The following ABL2 variants were observed in gnomAD, a reference collection of about 807,000 sequenced individuals.
ABL2 encodes tyrosine-protein kinase ABL2.
ABL2 carries 49 observed loss-of-function variants against 107.7 expected under a neutral mutation model. The observed-to-expected ratio is 0.45, with a 90% CI of 0.36 to 0.58. The LOEUF (loss-of-function observed/expected upper bound fraction) is 0.58, where lower values mean the gene tolerates loss of function less well. ABL2 is among the 20% of genes least tolerant of loss of function. The pLI, the probability that ABL2 is intolerant of heterozygous loss-of-function variation, is 0.00. For synonymous variants in ABL2, 549 were observed against 548.6 expected (o/e 1.00, Z -0.01); for missense variants, 1,245 against 1,457.0 (o/e 0.85, Z 2.37).
intron 10 of ABL2, 179 bp from the exon 11 acceptor site, chr1:179,110,634 A>G: frequency 6.5e-7 from 1 of 1,528,154 alleles, no homozygotes; most frequent in Admixed American, 2.0e-5. Flanking sequence ...TCATGTGTGT[A>G]GATTCGTCCA....
intron 9 of ABL2, among the ~76,000 whole-genome samples, chr1:179,112,985 C>T (rs1454493530): frequency 6.6e-6 from 1 of 152,126 alleles, no homozygotes; most frequent in African/African-American, 2.4e-5. Flanking sequence ...AACCCCTGAC[C>T]TCAGGTGATC....
intron 5 of ABL2, 37 bp from the exon 6 acceptor site, chr1:179,120,311 A>C (rs1352263023): frequency 7.4e-7 from 1 of 1,358,356 alleles, no homozygotes; most frequent in Non-Finnish European, 1.0e-6. Flanking sequence ...AGAAAACGAG[A>C]GGGACAAACC....
chr1:179,182,033 T>C (rs960032005), intron 1 of ABL2, among the ~76,000 whole-genome samples: 1 of 147,644 alleles, frequency 6.8e-6, no homozygotes, highest in African/African-American at 2.5e-5. Flanking sequence ...CCTGACCTCA[T>C]GACCCGCCTG....
chr1:179,197,356 G>A (rs1557991571), intron 1 of ABL2, among the ~76,000 whole-genome samples: 1 of 151,824 alleles, frequency 6.6e-6, no homozygotes. Flanking sequence ...GCACCCAAGG[G>A]ATAATAAAAA....
rs999174968 is a variant in ABL2, at chr1:179,106,823, G to C, written c.*895C>G. 4.3e-6 allele frequency: 1 copy of C among 231,358 alleles called. No homozygotes were observed. The highest frequency in any genetic ancestry group is 8.6e-6 in the Non-Finnish European group (1 of 116,898). The allele number at this position is 231,358 out of a possible 1,614,324, so 14.3% of individuals were successfully genotyped here. ...AGGATTCATTCCTTTGTGAGAACCTGTAGGGACTACTATTTTCAAAATCAA... is the reference window on the plus strand; with the variant it reads ...AGGATTCATTCCTTTGTGAGAACCTCTAGGGACTACTATTTTCAAAATCAA... On this transcript the variant is annotated 3_prime_UTR_variant, in exon 12 of 12. Transcript: ENST00000502732.
Position 179,108,291 on chromosome 1 carries a change from T to C in ABL2, c.2976A>G (p.Leu992=), listed in dbSNP as rs764564099. The part of the protein sequence containing the change: ...CAPPPPPVMR[L]LQHPSICSDP... ...CTGAGCAGATGGACGGATGCTGCAG[T>C]AGTCTCATCACTGGTGGTGGGGGTG... The change falls in exon 12 of 12, where the codon CTA becomes CTG. Residue 992 remains leucine, a synonymous_variant. Coordinates refer to ENST00000502732, the MANE Select transcript of ABL2 (RefSeq NM_007314.4). 8.1e-6 allele frequency: 13 copies of C among 1,614,000 alleles called. No individual in the cohort carries two copies. The highest frequency in any genetic ancestry group is 1.1e-5 in the Non-Finnish European group (13 of 1,180,026).
chr1:179,117,910 A>G (rs903386045), intron 7 of ABL2, among the ~76,000 whole-genome samples: 35 of 150,112 alleles, frequency 2.3e-4, no homozygotes, highest in African/African-American at 8.6e-4. Context: ...CCTGAGCTCA[A>G]GAGTTCAGGA....
chr1:179,228,787 A>G (rs981544801), intron 1 of ABL2, among the ~76,000 whole-genome samples: 1 of 152,174 alleles, frequency 6.6e-6, no homozygotes, highest in Admixed American at 6.5e-5. Flanking sequence ...ACGTAAACAC[A>G]TACCTTGTAC....
At chr1:179,183,375 C>A (rs746119694) in intron 1 of ABL2, among the ~76,000 whole-genome samples, 3 of 152,152 alleles carry the variant, frequency 2.0e-5, no homozygotes, top group Admixed American at 2.0e-4. Flanking sequence ...ACAACAACAA[C>A]AAAAACATTA....
rs1653413437 is a variant in ABL2, at chr1:179,105,574, T to G, written c.*2144A>C. ...TTCTCTTCCAACCACTAGGAGGAGA[T>G]GAACCCAATCACTAGCTGCCTGTGC... On this transcript the variant is annotated 3_prime_UTR_variant, in exon 12 of 12. Coordinates refer to ENST00000502732, the MANE Select transcript of ABL2 (RefSeq NM_007314.4). 1 of 229,110 alleles carries G rather than the reference T, an allele frequency of 4.4e-6. No individual in the cohort carries two copies. Among genetic ancestry groups the G allele is most frequent in the East Asian group, 6.2e-5 (1 of 16,078 alleles). 14.2% of individuals were successfully genotyped at this position (229,110 alleles called of 1,614,324 possible).
At chr1:179,110,995 T>G (rs925402757) in intron 10 of ABL2, 5 of 1,151,352 alleles carry the variant, frequency 4.3e-6, no homozygotes, top group Non-Finnish European at 1.2e-6. Flanking sequence ...TTTTTTTTTT[T>G]TTTTTGCAGA....
chr1:179,185,808 A>G (rs1331630332), intron 1 of ABL2, among the ~76,000 whole-genome samples: 1 of 152,176 alleles, frequency 6.6e-6, no homozygotes, highest in African/African-American at 2.4e-5. Context: ...TCCCTGGATA[A>G]AGTTACTCCT....
chr1:179,203,494 A>T (rs1309972276), intron 1 of ABL2, among the ~76,000 whole-genome samples: 1 of 151,820 alleles, frequency 6.6e-6, no homozygotes. Flanking sequence ...TTCAAGTATT[A>T]TTATCCCAAA....
In ABL2 at chr1:179,110,849, G is replaced by A. The variant is rs765503823; in HGVS notation, c.1652-394C>T. On this transcript the variant is annotated intron_variant, in intron 10 of 11. Transcript: ENST00000502732. ...TGATTGGCACAATGTAGGAGAACTG[G>A]TGGATCACAGGGTATACGTGTATTC... The A allele has an allele frequency of 2.5e-6, 4 of 1,613,974 alleles. No homozygotes were observed. In the Admixed American group the frequency reaches 6.7e-5, roughly 27 times the overall value.
rs558656594 is a variant in ABL2 at position 179,150,995 on chromosome 1, G to T, written c.158-17621C>A. Among the ~76,000 whole-genome samples the T allele has an allele frequency of 1.2e-4, 18 of 152,178 alleles. No homozygotes were observed. The East Asian group carries it at 2.9e-3, about 24-fold the overall frequency. On this transcript the variant is annotated intron_variant, in intron 1 of 11. Coordinates refer to ENST00000502732, the MANE Select transcript of ABL2 (RefSeq NM_007314.4). ...ATCATCAGCATTTTTTAGCAATGAAGTATTTTTTAATTAAGGCATGTCCTT... is the reference window on the plus strand; with the variant it reads ...ATCATCAGCATTTTTTAGCAATGAATTATTTTTTAATTAAGGCATGTCCTT...
intron 1 of ABL2, among the ~76,000 whole-genome samples, chr1:179,178,762 G>T (rs182125048): frequency 6.6e-6 from 1 of 151,474 alleles, no homozygotes; most frequent in Non-Finnish European, 1.5e-5. Flanking sequence ...TGGTGGGCTG[G>T]GGGGGGTGCC....
rs2102610663 is a variant in ABL2 at position 179,117,187 on chromosome 1, T to C, written c.1408+145A>G. 3 of 854,446 alleles carry C rather than the reference T, an allele frequency of 3.5e-6. 1 individual carries two copies. The highest frequency in any genetic ancestry group is 5.2e-5 in the East Asian group (2 of 38,154). The allele number at this position is 854,446 out of a possible 1,614,324, so 52.9% of individuals were successfully genotyped here. On this transcript the variant is annotated intron_variant, in intron 8 of 11. Coordinates refer to ENST00000502732, the MANE Select transcript of ABL2 (RefSeq NM_007314.4). ...ACACAGTCCTGGCAGATAGGAGGTA[T>C]TTAACAAATGCTTGCTGAATAACTG...
rs1195408412 is a variant in ABL2 at position 179,126,795 on chromosome 1, ATT to A, written c.392-125_392-124del. 4.2e-6 allele frequency: 4 copies of A among 954,270 alleles called. No individual in the cohort carries two copies. The highest frequency in any genetic ancestry group is 5.8e-6 in the Non-Finnish European group (4 of 686,996). 59.1% of individuals were successfully genotyped at this position (954,270 alleles called of 1,614,324 possible). A position where few individuals can be genotyped will look rare whatever the true frequency, so the allele number is the denominator to read the frequency against. ...AAAGAATCTAGAACTTTTATGCCAA[ATT>A]TTTTTTTTAAATAATGAAAACAAAC... is the stretch of plus-strand genomic sequence containing the variant. On this transcript the variant is annotated intron_variant, in intron 3 of 11. Coordinates refer to ENST00000502732, the MANE Select transcript of ABL2 (RefSeq NM_007314.4). This position sits in a 1 kb window ranked among gnomAD's most constrained non-coding sequence, Gnocchi z 4.4.
At chr1:179,134,143 T>C (rs12076196) in intron 1 of ABL2, among the ~76,000 whole-genome samples, 2,292 of 152,342 alleles carry the variant, frequency 0.015, 71 homozygotes, top group African/African-American at 0.051. Context: ...AAAAGTTACA[T>C]AGTATGTGTT....
Sources: gnomAD v4.1 joint callset for allele counts (sites outside exome capture counted in the v4.1 genomes callset) on GRCh38, gnomAD v4.1.1 for gene constraint, Gnocchi (gnomAD v3.1) non-coding constraint, MANE v1.5 for transcripts, NCBI Gene and HGNC (gene_info 2026-07-23, HGNC 2026-07-21) for gene names.